MUC13: variants seen among roughly 807,000 people sequenced by gnomAD.
The protein encoded by MUC13 is mucin 13, cell surface associated.
In MUC13, 32 loss-of-function variants were observed where a neutral mutation model predicts 48.3. The ratio of observed to expected loss-of-function variants is 0.66; its 90% CI spans 0.50 to 0.89. The LOEUF (loss-of-function observed/expected upper bound fraction) is 0.89, where lower values mean the gene tolerates loss of function less well. MUC13 is among the 40% of genes least tolerant of loss of function. The pLI, the probability that MUC13 is intolerant of heterozygous loss-of-function variation, is 0.00. For missense variants in MUC13, 571 were observed against 622.8 expected, an observed-to-expected ratio of 0.92 and a Z score of 0.88; for synonymous variants, 199 against 224.9, an observed-to-expected ratio of 0.88 and a Z score of 1.03.
intron 5 of MUC13, among the ~76,000 whole-genome samples, chr3:124,917,769 C>A (rs964196445): frequency 1.4e-5 from 2 of 144,850 alleles, no homozygotes; most frequent in African/African-American, 2.6e-5. Context: ...GCGGGGGAGG[C>A]GGCAGGGAGT....
intron 5 of MUC13, among the ~76,000 whole-genome samples, chr3:124,917,233 T>C (rs1935524788): frequency 1.3e-5 from 2 of 152,160 alleles, no homozygotes; most frequent in African/African-American, 2.4e-5. Context: ...ATACAATCAC[T>C]GAAACAGGGG....
At position 124,927,632 on chromosome 3, in the gene MUC13, T is replaced by C. The variant is rs749552689; in HGVS notation, c.414A>G (p.Thr138=). 1.9e-6 allele frequency: 3 copies of C among 1,614,148 alleles called. No individual in the cohort carries two copies. Among genetic ancestry groups the C allele is most frequent in the South Asian group, 1.1e-5 (1 of 91,092 alleles). ...DGLITMVPSE[T]QSNNEMSPTT... ...TGGGGGACATTTCATTGTTACTTTG[T>C]GTTTCAGAAGGAACCATTGTGATTA... Residue 138 remains threonine, a synonymous_variant, in exon 2 of 12, where the codon ACA becomes ACG. Coordinates refer to ENST00000616727, the MANE Select transcript of MUC13 (RefSeq NM_033049.4).
chr3:124,920,107 G>C, intron 5 of MUC13, 127 bp downstream of exon 5: 1 of 818,016 alleles, frequency 1.2e-6, no homozygotes, highest in South Asian at 1.5e-5. Flanking sequence ...CTCAGACTGA[G>C]ACTGACCCTC....
chr3:124,913,136 C>T lies in MUC13; in HGVS notation c.1189G>A (p.Glu397Lys). The T allele has an allele frequency of 6.2e-7, 1 of 1,613,998 alleles. No individual in the cohort carries two copies. The highest frequency in any genetic ancestry group is 8.5e-7 in the Non-Finnish European group (1 of 1,179,978). Residue 397 changes from glutamate (E) to lysine (K), a missense_variant, in exon 8 of 12, where the codon GAA becomes AAA. Glu to Lys is a moderately conservative substitution (Grantham distance 56). Coordinates refer to ENST00000616727, the MANE Select transcript of MUC13 (RefSeq NM_033049.4). Reference protein sequence around the residue: ...PECACVPGYQEDANGNCQKCA... With the variant: ...PECACVPGYQKDANGNCQKCA... The stretch of plus-strand genomic sequence containing the variant: ...TTTTGGCAGTTCCCATTAGCATCTT[C>T]CTGGTAGCCGGGCACGCACGCACAC...
intron 6 of MUC13, among the ~76,000 whole-genome samples, chr3:124,914,896 A>C (rs1364589425): frequency 6.6e-6 from 1 of 152,226 alleles, no homozygotes; most frequent in Non-Finnish European, 1.5e-5. Context: ...ACTGCACTCC[A>C]GCCTGGGCAA....
chr3:124,931,117 G>A (rs753529869), intron 1 of MUC13, among the ~76,000 whole-genome samples: 5 of 152,030 alleles, frequency 3.3e-5, no homozygotes, highest in South Asian at 2.1e-4. Flanking sequence ...AATCCTTAAC[G>A]TTACATTAAA....
chr3:124,909,908 T>A (rs2107667229), intron 10 of MUC13, among the ~76,000 whole-genome samples: 1 of 152,244 alleles, frequency 6.6e-6, no homozygotes, highest in East Asian at 1.9e-4. Flanking sequence ...CAATCCAAAA[T>A]TTTAAAAACA....
At chr3:124,931,846 C>T (rs1935804478) in intron 1 of MUC13, among the ~76,000 whole-genome samples, 1 of 151,836 alleles carries the variant, frequency 6.6e-6, no homozygotes, top group African/African-American at 2.4e-5. Context: ...AGTTCGAGAA[C>T]AGCCTGGCCA....
chr3:124,912,977 A>T, intron 8 of MUC13, 134 bp downstream of exon 8: 14 of 586,782 alleles, frequency 2.4e-5, no homozygotes, highest in Non-Finnish European at 3.9e-5. Context: ...GATGACAATG[A>T]TGAGGATGCT....
At chr3:124,914,941 A>G (rs1040603232) in intron 6 of MUC13, among the ~76,000 whole-genome samples, 1 of 152,192 alleles carries the variant, frequency 6.6e-6, no homozygotes, top group Non-Finnish European at 1.5e-5. Context: ...TGAACAAACA[A>G]AAAAGCAAAC....
In MUC13 at chr3:124,905,458, C is replaced by T. The variant is rs1490209618; in HGVS notation, c.*1285G>A. 2 of 150,572 alleles carry T rather than the reference C, an allele frequency of 1.3e-5. No homozygotes were observed. The highest frequency in any genetic ancestry group is 3.0e-5 in the Non-Finnish European group (2 of 67,642). The allele number at this position is 150,572 out of a possible 1,614,324, so 9.3% of individuals were successfully genotyped here. ...ACACAAGGACACCATCTAACAAAGG[C>T]ACTTTATTGCATTACCATTCACAAT... On this transcript the variant is annotated 3_prime_UTR_variant, in exon 12 of 12. Coordinates refer to ENST00000616727, the MANE Select transcript of MUC13 (RefSeq NM_033049.4).
intron 4 of MUC13, 61 bp downstream of exon 4, chr3:124,922,136 T>C: frequency 6.3e-7 from 1 of 1,589,236 alleles, no homozygotes; most frequent in Non-Finnish European, 8.6e-7. Context: ...AGCTCTACAC[T>C]CTGCAACTCA....
At chr3:124,923,739 CT>C (rs3841931) in intron 2 of MUC13, 90 bp from the exon 3 acceptor site, 234,024 of 1,349,470 alleles carry the variant, frequency 0.17, 20,784 homozygotes, top group Non-Finnish European at 0.18. Flanking sequence ...TGCCTCCCCC[CT>C]GGGCCCTTTC....
At position 124,913,563 on chromosome 3, in the gene MUC13, A is replaced by G; in HGVS notation, c.1083T>C (p.Val361=). 6.2e-7 allele frequency: 1 copy of G among 1,614,234 alleles called. No homozygotes were observed. Among genetic ancestry groups the G allele is most frequent in the Non-Finnish European group, 8.5e-7 (1 of 1,180,034 alleles). ...TTTAGAAGCAGGTGAAACACTTACC[A>G]ACGCAGAAAGGGCTCTGTGGGTTAG... ...QRPNPQSPFC[V]ASSLKCPDAC... The change falls in exon 7 of 12, where the codon GTT becomes GTC. Residue 361 remains valine (V), a splice_region_variant and synonymous_variant. Transcript: ENST00000616727.
chr3:124,934,671 A>G lies in MUC13; in HGVS notation c.42T>C (p.Ser14=), dbSNP rs1245636735. The G allele has an allele frequency of 6.2e-7, 1 of 1,608,242 alleles. No homozygotes were observed. Among genetic ancestry groups the G allele is most frequent in the Non-Finnish European group, 8.5e-7 (1 of 1,174,828 alleles). ...IIHLTLLALL[S]VNTATNQGNS... Reference sequence around the variant, plus strand: ...AAAAATATTCCTTACCTGTGTTTACAGAAAGGAGAGCAAGAAGAGTAAGAT... The same window carrying G: ...AAAAATATTCCTTACCTGTGTTTACGGAAAGGAGAGCAAGAAGAGTAAGAT... The change falls in exon 1 of 12, where the codon TCT becomes TCC. Residue 14 remains serine (S), a synonymous_variant. Coordinates refer to ENST00000616727, the MANE Select transcript of MUC13 (RefSeq NM_033049.4).
chr3:124,907,191 A>G (rs1935332913), intron 11 of MUC13, among the ~76,000 whole-genome samples: 1 of 152,096 alleles, frequency 6.6e-6, no homozygotes, highest in South Asian at 2.1e-4. Context: ...TATTTTTTGT[A>G]AAAATGGGGT....
intron 5 of MUC13, 91 bp from the exon 6 acceptor site, chr3:124,916,571 T>G: frequency 5.2e-6 from 7 of 1,351,120 alleles, no homozygotes; most frequent in Non-Finnish European, 6.2e-6. Flanking sequence ...CTCCCGGCCC[T>G]AGTCCTGACC....
At chr3:124,931,143 A>C (rs1935787203) in intron 1 of MUC13, among the ~76,000 whole-genome samples, 1 of 152,150 alleles carries the variant, frequency 6.6e-6, no homozygotes, top group South Asian at 2.1e-4. Flanking sequence ...ACTTTTTAAA[A>C]ATTTTCAGGC....
In MUC13 at chr3:124,908,228, C is replaced by T. The variant is rs1195840963; in HGVS notation, c.1458G>A (p.Lys486=). 1 of 1,614,146 alleles carries T rather than the reference C, an allele frequency of 6.2e-7. No individual in the cohort carries two copies. The highest frequency in any genetic ancestry group is 1.1e-5 in the South Asian group (1 of 91,068). ...NLGAEGSVFP[K]VRITASRDSQ... ...TGTCTCTGGAGGCCGTTATCCTGAC[C>T]TTAGGAAAGACGCTCCCTTCTGCTC... Residue 486 remains lysine (K), a synonymous_variant, in exon 11 of 12, where the codon AAG becomes AAA. Coordinates refer to ENST00000616727, the MANE Select transcript of MUC13 (RefSeq NM_033049.4).
Sources: allele counts gnomAD v4.1 joint callset (sites outside exome capture counted in the v4.1 genomes callset), GRCh38; gene constraint gnomAD v4.1.1; transcripts MANE v1.5; gene names NCBI Gene and HGNC (gene_info 2026-07-23, HGNC 2026-07-21).